ATP7A: variants seen among roughly 807,000 people sequenced by gnomAD.
The protein encoded by ATP7A is copper-transporting ATPase 1.
In ATP7A, 7 loss-of-function variants were observed where a neutral mutation model predicts 83.5. The ratio of observed to expected loss-of-function variants is 0.08; its 90% confidence interval spans 0.05 to 0.16. The LOEUF (loss-of-function observed/expected upper bound fraction) is 0.16, where lower values mean the gene tolerates loss of function less well. Among genes scored for constraint, ATP7A ranks in the 10% least tolerant of loss-of-function variants. The pLI is 1.00. For synonymous variants in ATP7A, 354 were observed against 395.2 expected (o/e 0.90, Z 1.24); for missense variants, 940 against 1,120.8 (o/e 0.84, Z 2.30).
At chrX:78,039,549 G>A (rs1403029759) in intron 18 of ATP7A, among the ~76,000 whole-genome samples, 2 of 111,065 alleles carry the variant, frequency 1.8e-5, no homozygotes, top group Non-Finnish European at 3.8e-5. Flanking sequence ...GGCCAGGCTG[G>A]TCTTGAACTC....
intron 1 of ATP7A, among the ~76,000 whole-genome samples, chrX:77,943,233 G>C (rs1428347056): frequency 4.5e-5 from 5 of 112,299 alleles, no homozygotes; most frequent in Non-Finnish European, 9.4e-5. Context: ...ATAAATTTAA[G>C]ATTAATCTTA....
chrX:77,925,857 T>C (rs2077238757), intron 1 of ATP7A, among the ~76,000 whole-genome samples: 1 of 111,196 alleles, frequency 9.0e-6, no homozygotes, highest in Non-Finnish European at 1.9e-5. Flanking sequence ...CAAAACTTTA[T>C]GGTCTCAGAG....
intron 1 of ATP7A, among the ~76,000 whole-genome samples, chrX:77,946,480 G>T (rs1239293675): frequency 9.1e-6 from 1 of 109,974 alleles, no homozygotes; most frequent in African/African-American, 3.3e-5. Flanking sequence ...AGAAATCAAA[G>T]CCAATTATTT....
intron 21 of ATP7A, among the ~76,000 whole-genome samples, chrX:78,044,275 A>AAAAT: frequency 9.3e-6 from 1 of 108,038 alleles, no homozygotes; most frequent in Non-Finnish European, 1.9e-5. Flanking sequence ...AAAAAAAAAA[A>AAAAT]TTCATACCTC....
Position 78,011,629 on chromosome X carries a change from G to A in ATP7A, c.2127G>A (p.Leu709=), listed in dbSNP as rs781988033. The change falls in exon 9 of 23, where the codon TTG becomes TTA. Residue 709 remains leucine, a synonymous_variant. Transcript: ENST00000341514. ...TGGAGCGCCAGATTCTTCCAGGATTGTCTGTTATGAATTTGCTGTCCTTTT... is the reference window on the plus strand; with the variant it reads ...TGGAGCGCCAGATTCTTCCAGGATTATCTGTTATGAATTTGCTGTCCTTTT... ...MFLERQILPG[L]SVMNLLSFLL... is the part of the protein sequence containing the mutation. The A allele has an allele frequency of 8.3e-7, 1 of 1,211,297 alleles. No individual in the cohort carries two copies. The highest frequency in any genetic ancestry group is 1.1e-6 in the Non-Finnish European group (1 of 895,248).
At chrX:78,045,687 G>A in intron 22 of ATP7A, 115 bp downstream of exon 22, 1 of 781,115 alleles carries the variant, frequency 1.3e-6, no homozygotes, top group South Asian at 2.2e-5. Flanking sequence ...TTCTTAATGA[G>A]AATTATTATT....
At chrX:77,915,328 G>GA (rs1194256532) in intron 1 of ATP7A, among the ~76,000 whole-genome samples, 119 of 95,377 alleles carry the variant, frequency 1.2e-3, no homozygotes, top group Admixed American at 1.9e-3. Flanking sequence ...GTCTTGTCCG[G>GA]AAAAAAAAAA....
At chrX:78,037,630 GC>G (rs1557237870) in intron 17 of ATP7A, among the ~76,000 whole-genome samples, 1 of 111,738 alleles carries the variant, frequency 8.9e-6, no homozygotes, top group Admixed American at 9.5e-5. Flanking sequence ...CCAAGAAGTG[GC>G]CAATTAGGAG....
intron 18 of ATP7A, among the ~76,000 whole-genome samples, 168 bp downstream of exon 18, chrX:78,039,150 G>A (rs781805648): frequency 2.7e-5 from 3 of 111,691 alleles, no homozygotes; most frequent in Non-Finnish European, 3.8e-5. Flanking sequence ...AAATTCTCTC[G>A]CATTTGCCTG....
chrX:78,038,515 T>C (rs1557237951), intron 17 of ATP7A, among the ~76,000 whole-genome samples: 2 of 111,744 alleles, frequency 1.8e-5, no homozygotes, highest in Non-Finnish European at 3.8e-5. Context: ...TTAAATTTGA[T>C]TGAATTTTTA....
intron 1 of ATP7A, among the ~76,000 whole-genome samples, chrX:77,916,370 AAG>A (rs2077185631): frequency 1.8e-5 from 2 of 108,805 alleles, no homozygotes; most frequent in South Asian, 3.9e-4. Flanking sequence ...AAAAAAAAAA[AAG>A]AAAAAAAAAG....
chrX:77,984,213 C>T (rs1208563683), intron 2 of ATP7A, among the ~76,000 whole-genome samples: 3 of 111,114 alleles, frequency 2.7e-5, no homozygotes, highest in Non-Finnish European at 5.7e-5. Flanking sequence ...AGACTGCCGC[C>T]AGCACTTTCC....
chrX:78,011,545 T>C lies in ATP7A; in HGVS notation c.2043T>C (p.Leu681=). 8.3e-7 allele frequency: 1 copy of C among 1,210,881 alleles called. No homozygotes were observed. Among genetic ancestry groups the C allele is most frequent in the East Asian group, 3.0e-5 (1 of 33,815 alleles). The part of the protein sequence containing the change: ...MMVMDHHFAT[L]HHNQNMSKEE... ...TTATGGACCACCACTTTGCAACTCT[T>C]CACCATAATCAAAACATGAGTAAAG... Residue 681 remains leucine (L), a synonymous_variant, in exon 9 of 23, where the codon CTT becomes CTC. Coordinates refer to ENST00000341514, the MANE Select transcript of ATP7A (RefSeq NM_000052.7).
chrX:78,021,934 CCACCTACG>C (rs1227704072), intron 14 of ATP7A, among the ~76,000 whole-genome samples: 1 of 111,277 alleles, frequency 9.0e-6, no homozygotes, highest in African/African-American at 3.3e-5. Context: ...TAAATAATGT[CCACCTACG>C]CACTGGGAGG....
intron 7 of ATP7A, among the ~76,000 whole-genome samples, chrX:78,010,778 A>G (rs1466854016): frequency 9.2e-6 from 1 of 108,277 alleles, no homozygotes; most frequent in Non-Finnish European, 1.9e-5. Flanking sequence ...ACGGGGTTTC[A>G]CCGTGTTGGC....
At chrX:77,990,043 A>G in intron 4 of ATP7A, 85 bp downstream of exon 4, 1 of 1,133,699 alleles carries the variant, frequency 8.8e-7, no homozygotes, top group Non-Finnish European at 1.2e-6. Flanking sequence ...ATGAGAAATG[A>G]TTCATAGGCA....
intron 1 of ATP7A, among the ~76,000 whole-genome samples, chrX:77,954,515 T>C (rs1389229669): frequency 8.9e-6 from 1 of 112,109 alleles, no homozygotes; most frequent in East Asian, 2.8e-4. Context: ...GGTTGTTTGA[T>C]GAAAGAAATT....
intron 1 of ATP7A, among the ~76,000 whole-genome samples, 185 bp from the exon 2 acceptor site, chrX:77,971,436 A>G (rs1023976586): frequency 8.9e-6 from 1 of 112,135 alleles, no homozygotes; most frequent in Non-Finnish European, 1.9e-5. Context: ...ATCTAAGGTG[A>G]TAAGAATTTT....
intron 1 of ATP7A, among the ~76,000 whole-genome samples, chrX:77,911,826 C>T (rs1450570013): frequency 2.7e-5 from 3 of 111,712 alleles, no homozygotes; most frequent in Non-Finnish European, 5.6e-5. Flanking sequence ...CGCCTGTAAT[C>T]CCAGCTAGTC....
Sources: allele counts gnomAD v4.1 joint callset (sites outside exome capture counted in the v4.1 genomes callset), GRCh38; gene constraint gnomAD v4.1.1; transcripts MANE v1.5; gene names NCBI Gene and HGNC (gene_info 2026-07-23, HGNC 2026-07-21).